Variants in SIRPA observed in about 807,000 individuals in gnomAD.
SIRPA encodes the protein signal regulatory protein alpha.
SIRPA carries 9 observed loss-of-function variants against 50.3 expected under a neutral mutation model. The observed-to-expected ratio is 0.18, with a 90% CI of 0.11 to 0.31. SIRPA has a LOEUF of 0.31. SIRPA is among the 10% of genes least tolerant of loss of function. The probability of loss-of-function intolerance (pLI) is 1.00; values close to 1 mark genes in which losing one functional copy is unlikely to be tolerated. For synonymous variants in SIRPA, 265 were observed against 284.1 expected, an observed-to-expected ratio of 0.93 and a Z score of 0.68; for missense variants, 474 against 661.6, an observed-to-expected ratio of 0.72 and a Z score of 3.11.
At position 1,933,568 on chromosome 20, in the gene SIRPA, G is replaced by T. The variant is rs963083801; in HGVS notation, c.1227-1147G>T. ...GCTCCAGGAGGGCTGGAGGCCAGTAGTGTGGGGACAGATCTGCGTGATCTT... is the reference window on the plus strand; with the variant it reads ...GCTCCAGGAGGGCTGGAGGCCAGTATTGTGGGGACAGATCTGCGTGATCTT... On this transcript the variant is annotated intron_variant, in intron 6 of 7. Coordinates refer to ENST00000358771, the MANE Select transcript of SIRPA (RefSeq NM_001040023.2). The surrounding 1 kb of genome is among the most constrained non-coding windows in gnomAD (Gnocchi z 4.4). Among the ~76,000 whole-genome samples the T allele has an allele frequency of 6.6e-6, 1 of 152,194 alleles. No homozygotes were observed. The highest frequency in any genetic ancestry group is 2.1e-4 in the South Asian group (1 of 4,828).
rs1986622351 is a variant in SIRPA, at chr20:1,937,153, G to A, written c.1267-167G>A. 6.6e-6 allele frequency among the ~76,000 whole-genome samples: 1 copy of A among 152,116 alleles called. No homozygotes were observed. The highest frequency in any genetic ancestry group is 1.5e-5 in the Non-Finnish European group (1 of 68,032). On this transcript the variant is annotated intron_variant, in intron 7 of 7. Coordinates refer to ENST00000358771, the MANE Select transcript of SIRPA (RefSeq NM_001040023.2). This position sits in a 1 kb window ranked among gnomAD's most constrained non-coding sequence, Gnocchi z 8.3. ...GGGCAGATGGGAAGGGGCAAGGCTG[G>A]AGGCAAGTAACGTTGGCAAGAGATG...
Position 1,927,143 on chromosome 20 carries a change from T to C in SIRPA, c.1202-732T>C, listed in dbSNP as rs748072451. ...AACCCAGCAGCAAGAATTCTTGCAC[T>C]GTGGCAGCCTCCAGCCTATTAAAGT... is the stretch of plus-strand genomic sequence containing the variant. On this transcript the variant is annotated intron_variant, in intron 5 of 7. Transcript: ENST00000358771. The surrounding 1 kb of genome is among the most constrained non-coding windows in gnomAD (Gnocchi z 6.5). 5.3e-5 allele frequency among the ~76,000 whole-genome samples: 8 copies of C among 152,260 alleles called. No homozygotes were observed. The highest frequency in any genetic ancestry group is 1.3e-4 in the Admixed American group (2 of 15,284).
In SIRPA at chr20:1,895,534, C is replaced by A. The variant is rs1341011282; in HGVS notation, c.79+8C>A. On this transcript the variant is annotated splice_region_variant and intron_variant, in intron 1 of 7. Coordinates refer to ENST00000358771, the MANE Select transcript of SIRPA (RefSeq NM_001040023.2). ...CGTCCTGCGCCTGGTCAGGTAAGCACCCCCCCGCTCCCCACCGCTGCACTC... is the reference window on the plus strand; with the variant it reads ...CGTCCTGCGCCTGGTCAGGTAAGCAACCCCCCGCTCCCCACCGCTGCACTC... 2 of 1,430,348 alleles carry A rather than the reference C, an allele frequency of 1.4e-6. No homozygotes were observed. The highest frequency in any genetic ancestry group is 1.5e-5 in the African/African-American group (1 of 66,898). The allele number at this position is 1,430,348 out of a possible 1,614,324, so 88.6% of individuals were successfully genotyped here. A position where few individuals can be genotyped will look rare whatever the true frequency, so the allele number is the denominator to read the frequency against.
In SIRPA at chr20:1,937,433, G is replaced by A. The variant is rs143207818; in HGVS notation, c.1380G>A (p.Pro460=). Residue 460 remains proline (P), a synonymous_variant, in exon 8 of 8, where the codon CCG becomes CCA. Coordinates refer to ENST00000358771, the MANE Select transcript of SIRPA (RefSeq NM_001040023.2). The surrounding 1 kb of genome is among the most constrained non-coding windows in gnomAD (Gnocchi z 8.3). ...HTEYASIQTS[P]QPASEDTLTY... Reference sequence around the variant, plus strand: ...AGTATGCCAGCATTCAGACCAGCCCGCAGCCCGCGTCGGAGGACACCCTCA... The same window carrying A: ...AGTATGCCAGCATTCAGACCAGCCCACAGCCCGCGTCGGAGGACACCCTCA... The A allele has an allele frequency of 1.6e-3, 2,590 of 1,614,064 alleles. 46 individuals carry two copies. The South Asian group carries it at 0.022, about 14-fold the overall frequency.
At chr20:1,906,743 T>C (rs963498903) in intron 1 of SIRPA, among the ~76,000 whole-genome samples, 3 of 152,204 alleles carry the variant, frequency 2.0e-5, no homozygotes, top group Admixed American at 2.0e-4. Flanking sequence ...TGGGGGAATG[T>C]GGCTGGTAGA....
intron 1 of SIRPA, among the ~76,000 whole-genome samples, chr20:1,899,984 A>G (rs1984076119): frequency 6.6e-6 from 1 of 151,926 alleles, no homozygotes; most frequent in Non-Finnish European, 1.5e-5. Context: ...ATTGGGACGG[A>G]TTTTCATAAA....
intron 6 of SIRPA, among the ~76,000 whole-genome samples, chr20:1,929,005 T>A (rs1986151625): frequency 6.6e-6 from 1 of 152,152 alleles, no homozygotes; most frequent in African/African-American, 2.4e-5. Context: ...TAAATAAAAC[T>A]ATAAATAGCT....
chr20:1,925,221 A>T (rs1056925458), intron 5 of SIRPA, among the ~76,000 whole-genome samples: 1 of 152,208 alleles, frequency 6.6e-6, no homozygotes, highest in Non-Finnish European at 1.5e-5. Context: ...GCCTCCCGGC[A>T]GACTTCTGCT....
intron 1 of SIRPA, among the ~76,000 whole-genome samples, chr20:1,899,914 A>G (rs1473430171): frequency 1.3e-5 from 2 of 152,232 alleles, no homozygotes; most frequent in African/African-American, 4.8e-5. Flanking sequence ...CACTCAATAC[A>G]TATTAACCAG....
chr20:1,933,247 C>T lies in SIRPA; in HGVS notation c.1227-1468C>T, dbSNP rs1986388372. Among the ~76,000 whole-genome samples the T allele has an allele frequency of 6.6e-6, 1 of 152,182 alleles. No individual in the cohort carries two copies. ...GAGATCTGAGATTGTCATGGAGGGG[C>T]AGCCCAGCCAGCGCAGCACTGTCAG... On this transcript the variant is annotated intron_variant, in intron 6 of 7. Coordinates refer to ENST00000358771, the MANE Select transcript of SIRPA (RefSeq NM_001040023.2). This position sits in a 1 kb window ranked among gnomAD's most constrained non-coding sequence, Gnocchi z 4.4.
Position 1,937,223 on chromosome 20 carries a change from A to G in SIRPA, c.1267-97A>G. On this transcript the variant is annotated intron_variant, in intron 7 of 7. Coordinates refer to ENST00000358771, the MANE Select transcript of SIRPA (RefSeq NM_001040023.2). This position sits in a 1 kb window ranked among gnomAD's most constrained non-coding sequence, Gnocchi z 8.3. ...CTGAGCCAGTGTGGGCCGAGAGGAC[A>G]CAGAAGCATCCAGACTTGGTATTCA... The G allele has an allele frequency of 7.0e-7, 1 of 1,436,346 alleles. No individual in the cohort carries two copies. Among genetic ancestry groups the G allele is most frequent in the East Asian group, 2.3e-5 (1 of 43,596 alleles). The allele number at this position is 1,436,346 out of a possible 1,614,324, so 89.0% of individuals were successfully genotyped here.
chr20:1,911,316 T>C (rs1256482742), intron 1 of SIRPA, among the ~76,000 whole-genome samples: 1 of 152,268 alleles, frequency 6.6e-6, no homozygotes, highest in Admixed American at 6.5e-5. Flanking sequence ...TTCACTCATA[T>C]TTTTACTACA....
chr20:1,926,530 T>C (rs1300648056), intron 5 of SIRPA, among the ~76,000 whole-genome samples: 2 of 152,212 alleles, frequency 1.3e-5, no homozygotes, highest in Non-Finnish European at 2.9e-5. Flanking sequence ...GGCAGGTCTG[T>C]GTGCAGAGCC....
chr20:1,918,360 C>CCTTTTTT (rs745958149), intron 2 of SIRPA, among the ~76,000 whole-genome samples: 11 of 95,698 alleles, frequency 1.1e-4, no homozygotes, highest in Non-Finnish European at 1.2e-4. Context: ...ACCACACCAG[C>CCTTTTTT]TTTTTTTTTT....
chr20:1,922,430 G>A lies in SIRPA; in HGVS notation c.872G>A (p.Gly291Glu), dbSNP rs370831282. The change falls in exon 4 of 8, where the codon GGA becomes GAA. Residue 291 changes from glycine (G) to glutamate (E), a missense_variant. Physicochemically the swap from Gly to Glu is moderately conservative, Grantham distance 98. This residue lies in a region of SIRPA where 221 missense variants were observed against 359.9 expected (regional missense o/e 0.61). Coordinates refer to ENST00000358771, the MANE Select transcript of SIRPA (RefSeq NM_001040023.2). ...QRLQLTWLEN[G>E]NVSRTETAST... is the part of the protein sequence containing the mutation. The stretch of plus-strand genomic sequence containing the variant: ...CTACAGCTGACCTGGTTGGAGAATG[G>A]AAACGTGTCCCGGACAGAAACGGCC... The A allele has an allele frequency of 2.6e-4, 425 of 1,614,140 alleles. No individual in the cohort carries two copies. The highest frequency in any genetic ancestry group is 8.5e-4 in the Admixed American group (51 of 60,016).
Position 1,895,545 on chromosome 20 carries a change from C to T in SIRPA, c.79+19C>T. 2 of 1,430,370 alleles carry T rather than the reference C, an allele frequency of 1.4e-6. No homozygotes were observed. Among genetic ancestry groups the T allele is most frequent in the Non-Finnish European group, 1.8e-6 (2 of 1,092,710 alleles). 88.6% of individuals were successfully genotyped at this position (1,430,370 alleles called of 1,614,324 possible). On this transcript the variant is annotated intron_variant, in intron 1 of 7. Coordinates refer to ENST00000358771, the MANE Select transcript of SIRPA (RefSeq NM_001040023.2). ...TGGTCAGGTAAGCACCCCCCCGCTC[C>T]CCACCGCTGCACTCCCCAAACTGCG...
intron 1 of SIRPA, among the ~76,000 whole-genome samples, chr20:1,901,188 T>G (rs1486716256): frequency 1.1e-4 from 12 of 112,154 alleles, no homozygotes; most frequent in Non-Finnish European, 1.6e-4. Flanking sequence ...TTTTTTTTTT[T>G]GAGACGGAGT....
At position 1,927,837 on chromosome 20, in the gene SIRPA, T is replaced by C. The variant is rs771943916; in HGVS notation, c.1202-38T>C. ...TAGTTACATAAGAAAAGTGTGCTTC[T>C]AGTTAAACAACTGGCTTTTGTTTCT... is the stretch of plus-strand genomic sequence containing the variant. On this transcript the variant is annotated intron_variant, in intron 5 of 7. Coordinates refer to ENST00000358771, the MANE Select transcript of SIRPA (RefSeq NM_001040023.2). This position sits in a 1 kb window ranked among gnomAD's most constrained non-coding sequence, Gnocchi z 6.5. The C allele has an allele frequency of 3.7e-6, 6 of 1,606,950 alleles. No individual in the cohort carries two copies. In the South Asian group the frequency reaches 5.5e-5, roughly 15 times the overall value.
chr20:1,917,391 C>T (rs1231377218), intron 2 of SIRPA, among the ~76,000 whole-genome samples: 2 of 152,092 alleles, frequency 1.3e-5, no homozygotes, highest in Non-Finnish European at 2.9e-5. Flanking sequence ...GAGAAATGCT[C>T]CACCCTACTC....
Sources: allele counts gnomAD v4.1 joint callset (sites outside exome capture counted in the v4.1 genomes callset), GRCh38; gene constraint gnomAD v4.1.1; regional missense constraint gnomAD v4.1.1; non-coding constraint Gnocchi (gnomAD v3.1); transcripts MANE v1.5; gene names NCBI Gene and HGNC (gene_info 2026-07-23, HGNC 2026-07-21).